Variants in NTM observed in about 807,000 individuals in gnomAD.
NTM encodes the protein neurotrimin, also known as IgLON family member 2.
In NTM, 13 loss-of-function variants were observed where a neutral mutation model predicts 42.1. The observed-to-expected ratio is 0.31, with a 90% confidence interval of 0.20 to 0.49. The LOEUF (loss-of-function observed/expected upper bound fraction) is 0.49. Among genes scored for constraint, NTM ranks in the 20% least tolerant of loss-of-function variants. The pLI is 0.99. For synonymous variants in NTM, 187 were observed against 179.2 expected, an observed-to-expected ratio of 1.04 and a Z score of -0.35; for missense variants, 373 against 452.8, an observed-to-expected ratio of 0.82 and a Z score of 1.60.
chr11:132,090,291 C>T (rs377574746), intron 2 of NTM, among the ~76,000 whole-genome samples: 1 of 152,136 alleles, frequency 6.6e-6, no homozygotes, highest in East Asian at 1.9e-4. Flanking sequence ...GTCTCCTTGG[C>T]CCTTCACACC....
intron 2 of NTM, among the ~76,000 whole-genome samples, chr11:132,101,555 CTTGTGTGTGTGT>C (rs1397109718): frequency 9.3e-5 from 14 of 150,270 alleles, no homozygotes; most frequent in African/African-American, 2.2e-4. Context: ...GGAACACAAC[CTTGTGTGTGTGT>C]GTGTGTGTGT....
intron 1 of NTM, among the ~76,000 whole-genome samples, chr11:131,782,923 G>A (rs907926307): frequency 2.6e-5 from 4 of 152,098 alleles, no homozygotes; most frequent in African/African-American, 4.8e-5. Context: ...GAATAAGAAC[G>A]AGAAAAGAAT....
At chr11:132,191,673 A>T (rs1356752676) in intron 3 of NTM, among the ~76,000 whole-genome samples, 1 of 152,222 alleles carries the variant, frequency 6.6e-6, no homozygotes, top group Non-Finnish European at 1.5e-5. Flanking sequence ...GTTCTTAAGC[A>T]GATGGAAATG....
chr11:131,815,694 T>C (rs2092924640), intron 1 of NTM, among the ~76,000 whole-genome samples: 2 of 152,024 alleles, frequency 1.3e-5, no homozygotes, highest in African/African-American at 4.8e-5. Flanking sequence ...CTCCCTTCTC[T>C]CAACTTGACA....
intron 4 of NTM, among the ~76,000 whole-genome samples, chr11:132,290,404 T>C (rs1373228089): frequency 6.6e-6 from 1 of 152,168 alleles, no homozygotes; most frequent in Non-Finnish European, 1.5e-5. Flanking sequence ...AAGAGTCAGC[T>C]ATGTTTGTCA....
intron 2 of NTM, among the ~76,000 whole-genome samples, chr11:131,916,867 C>T (rs1252069139): frequency 6.6e-6 from 1 of 152,198 alleles, no homozygotes; most frequent in South Asian, 2.1e-4. Context: ...AGCTGCAAAG[C>T]GTTTCCTCTT....
chr11:131,998,610 G>C (rs190589821), intron 2 of NTM, among the ~76,000 whole-genome samples: 35 of 152,162 alleles, frequency 2.3e-4, no homozygotes, highest in African/African-American at 8.2e-4. Context: ...CAATTCAATT[G>C]TTAGAGAGAC....
chr11:131,601,561 C>G (rs1042826254), intron 1 of NTM, among the ~76,000 whole-genome samples: 1 of 151,856 alleles, frequency 6.6e-6, no homozygotes, highest in Admixed American at 6.6e-5. Flanking sequence ...GACTAAAATG[C>G]TCCCACCTCA....
chr11:131,997,686 C>T (rs2068334619), intron 2 of NTM, among the ~76,000 whole-genome samples: 1 of 151,984 alleles, frequency 6.6e-6, no homozygotes, highest in African/African-American at 2.4e-5. Flanking sequence ...CTTTTTTCTT[C>T]CTGGAATGCA....
rs71475759 is a variant in NTM at position 131,500,577 on chromosome 11, ATTTTTTTTTTT to A, written c.82+129697_82+129707del. Among the ~76,000 whole-genome samples the A allele has an allele frequency of 1.9e-3, 145 of 76,200 alleles. 1 individual carries two copies. Among genetic ancestry groups the A allele is most frequent in the African/African-American group, 0.01 (128 of 12,278 alleles). The allele number at this position is 76,200 out of a possible 152,430, so 50.0% of individuals were successfully genotyped here. ...TATATATATATATATATATATATATATTTTTTTTTTTTTTTTTTGTATTATACTTTAAGTTC... is the reference window on the plus strand; with the variant it reads ...TATATATATATATATATATATATATATTTTTTTGTATTATACTTTAAGTTC... On this transcript the variant is annotated intron_variant, in intron 1 of 8. Transcript: ENST00000683400.
At chr11:131,524,713 T>C (rs571974895) in intron 1 of NTM, among the ~76,000 whole-genome samples, 32 of 152,314 alleles carry the variant, frequency 2.1e-4, no homozygotes, top group Non-Finnish European at 3.4e-4. Context: ...AAGTTGCTGA[T>C]TGGGGAGTGC....
intron 1 of NTM, among the ~76,000 whole-genome samples, chr11:131,647,954 G>T (rs930782734): frequency 1.3e-5 from 2 of 152,102 alleles, no homozygotes; most frequent in African/African-American, 4.8e-5. Context: ...TTGTTACCTA[G>T]GTGACAAAGC....
intron 2 of NTM, among the ~76,000 whole-genome samples, chr11:132,018,040 A>G (rs768135193): frequency 4.5e-4 from 69 of 151,844 alleles, no homozygotes; most frequent in Non-Finnish European, 9.1e-4. Context: ...AATTTTCCAT[A>G]TCCAGAGTGT....
chr11:132,223,111 T>C (rs1466305988), intron 4 of NTM, among the ~76,000 whole-genome samples: 1 of 152,212 alleles, frequency 6.6e-6, no homozygotes, highest in Non-Finnish European at 1.5e-5. Flanking sequence ...GGAAAACCTT[T>C]TGGTAAAGCA....
chr11:131,668,262 ATCT>A (rs1813833970), intron 1 of NTM, among the ~76,000 whole-genome samples: 1 of 149,404 alleles, frequency 6.7e-6, no homozygotes, highest in South Asian at 2.1e-4. Flanking sequence ...CTATCTATCT[ATCT>A]ATCTATCTAT....
intron 1 of NTM, chr11:131,539,709 C>G: frequency 6.6e-6 from 1 of 152,478 alleles, no homozygotes; most frequent in Non-Finnish European, 1.5e-5. Context: ...GAACTAGAGA[C>G]CCTGTGGAAT....
At chr11:131,795,257 G>A (rs1008193340) in intron 1 of NTM, 1 of 455,750 alleles carries the variant, frequency 2.2e-6, no homozygotes, top group Non-Finnish European at 2.9e-6. Flanking sequence ...TGAAAAATAG[G>A]ATAATCATTT....
chr11:132,328,455 C>A (rs984451236), intron 7 of NTM, among the ~76,000 whole-genome samples: 1 of 151,968 alleles, frequency 6.6e-6, no homozygotes, highest in Non-Finnish European at 1.5e-5. Context: ...AAAACCCCAT[C>A]TGGATGGAAT....
chr11:132,118,312 T>C (rs2064197068), intron 2 of NTM, among the ~76,000 whole-genome samples: 1 of 152,148 alleles, frequency 6.6e-6, no homozygotes, highest in Non-Finnish European at 1.5e-5. Context: ...AGAAAGCTAT[T>C]TCCTCCTTAG....
Sources: gnomAD v4.1 joint callset for allele counts (sites outside exome capture counted in the v4.1 genomes callset) on GRCh38, gnomAD v4.1.1 for gene constraint, MANE v1.5 for transcripts, NCBI Gene and HGNC (gene_info 2026-07-23, HGNC 2026-07-21) for gene names.